GATB: variants seen among roughly 807,000 people sequenced by gnomAD.
GATB encodes the protein glutamyl-tRNA(Gln) amidotransferase subunit B, mitochondrial.
In GATB, 39 loss-of-function variants were observed where a neutral mutation model predicts 62.3. The ratio of observed to expected loss-of-function variants is 0.63; its 90% confidence interval spans 0.48 to 0.82. The LOEUF (loss-of-function observed/expected upper bound fraction) is 0.82, where lower values mean the gene tolerates loss of function less well. Among genes scored for constraint, GATB ranks in the 40% least tolerant of loss-of-function variants. GATB has a pLI of 0.00. For synonymous variants in GATB, 276 were observed against 258.9 expected, an observed-to-expected ratio of 1.07 and a Z score of -0.63; for missense variants, 670 against 684.0, an observed-to-expected ratio of 0.98 and a Z score of 0.23.
intron 2 of GATB, chr4:151,722,080 CAGTT>C (rs1230593670): frequency 1.5e-5 from 10 of 649,734 alleles, no homozygotes; most frequent in Admixed American, 5.0e-5. Flanking sequence ...CAGAGAGTGT[CAGTT>C]AGAAGAATGC....
At chr4:151,701,859 G>A (rs934384971) in intron 8 of GATB, among the ~76,000 whole-genome samples, 9 of 152,206 alleles carry the variant, frequency 5.9e-5, no homozygotes, top group South Asian at 4.1e-4. Context: ...CGATATGTTC[G>A]TAGAGATGTG....
At chr4:151,673,636 A>G (rs987701236) in intron 11 of GATB, 3 of 152,210 alleles carry the variant, frequency 2.0e-5, no homozygotes, top group Non-Finnish European at 4.4e-5. Flanking sequence ...TTTTTACTTA[A>G]AAAATGACAA....
At chr4:151,731,683 C>T (rs1479975441) in intron 2 of GATB, among the ~76,000 whole-genome samples, 114 of 151,702 alleles carry the variant, frequency 7.5e-4, no homozygotes, top group Non-Finnish European at 1.2e-3. Context: ...CGTCTCTGCC[C>T]GGCCGCCCAT....
intron 2 of GATB, among the ~76,000 whole-genome samples, chr4:151,734,331 C>A (rs2126988602): frequency 6.9e-6 from 1 of 143,946 alleles, no homozygotes; most frequent in South Asian, 2.3e-4. Flanking sequence ...AAGAACTCAA[C>A]CCCTTTTAAA....
chr4:151,743,206 G>C (rs1739529945), intron 2 of GATB, among the ~76,000 whole-genome samples: 1 of 152,212 alleles, frequency 6.6e-6, no homozygotes, highest in Admixed American at 6.5e-5. Flanking sequence ...ATACAGCTAA[G>C]AGCTGCCCAT....
chr4:151,758,915 T>G lies in GATB; in HGVS notation c.184A>C (p.Lys62Gln). ...TAQKTRKGEH[K>Q]WAAVVGLEIH... is the part of the protein sequence containing the mutation. ...TCCAAACCTACCACAGCAGCCCATT[T>G]GTGTTCACTAAGAAGAAAGAGATAA... is the stretch of plus-strand genomic sequence containing the variant. The change falls in exon 2 of 13, where the codon AAA (lysine) becomes CAA (glutamine). Residue 62 changes from lysine (K) to glutamine (Q), a missense_variant. Lys to Gln is a moderately conservative substitution (Grantham distance 53). Transcript: ENST00000263985. The G allele has an allele frequency of 6.2e-7, 1 of 1,602,092 alleles. No homozygotes were observed. The highest frequency in any genetic ancestry group is 1.1e-5 in the South Asian group (1 of 87,794).
At chr4:151,717,342 C>T (rs1578919919) in intron 3 of GATB, 1 of 460,286 alleles carries the variant, frequency 2.2e-6, no homozygotes, top group East Asian at 4.2e-5. Context: ...CATCCCATTG[C>T]CCTCATTAAA....
At chr4:151,685,354 G>C (rs1470211602) in intron 10 of GATB, among the ~76,000 whole-genome samples, 1 of 152,148 alleles carries the variant, frequency 6.6e-6, no homozygotes, top group Non-Finnish European at 1.5e-5. Flanking sequence ...CAGCACCTGT[G>C]GGGTAGAACC....
chr4:151,739,941 G>C (rs1739451252), intron 2 of GATB, among the ~76,000 whole-genome samples: 1 of 151,910 alleles, frequency 6.6e-6, no homozygotes, highest in Non-Finnish European at 1.5e-5. Flanking sequence ...GCTCTACTCT[G>C]GCGACATGAT....
chr4:151,722,420 CA>C, intron 2 of GATB: 1 of 566,304 alleles, frequency 1.8e-6, no homozygotes. Context: ...TGAAGTCCCT[CA>C]ATGGCCCCTG....
At chr4:151,719,781 G>A (rs535533141) in intron 2 of GATB, 1 of 346,534 alleles carries the variant, frequency 2.9e-6, no homozygotes, top group Non-Finnish European at 5.2e-6. Flanking sequence ...GCCACATCGG[G>A]AACCCTTTCC....
In GATB at chr4:151,671,168, A is replaced by G. The variant is rs1228178217; in HGVS notation, c.*6T>C. 2 of 1,614,162 alleles carry G rather than the reference A, an allele frequency of 1.2e-6. No homozygotes were observed. Among genetic ancestry groups the G allele is most frequent in the East Asian group, 2.2e-5 (1 of 44,884 alleles). ...TTGTCCCTTGGGCAAGGGGATCCCA[A>G]ACATCTCACAATGACAGCTTCTTCT... On this transcript the variant is annotated 3_prime_UTR_variant, in exon 13 of 13. Coordinates refer to ENST00000263985, the MANE Select transcript of GATB (RefSeq NM_004564.3).
intron 9 of GATB, among the ~76,000 whole-genome samples, chr4:151,697,967 A>ATATAGATATATATGTG (rs1738516670): frequency 9.8e-6 from 1 of 101,872 alleles, no homozygotes; most frequent in Non-Finnish European, 1.8e-5. Flanking sequence ...ATATATATAT[A>ATATAGATATATATGTG]TATATATATA....
intron 4 of GATB, 95 bp downstream of exon 4, chr4:151,716,781 C>T: frequency 8.5e-7 from 1 of 1,170,234 alleles, no homozygotes; most frequent in Non-Finnish European, 1.2e-6. Context: ...ACTGCTTTCT[C>T]AATTTGTTCA....
At chr4:151,679,662 TA>T in intron 11 of GATB, 150 bp downstream of exon 11, 1 of 726,514 alleles carries the variant, frequency 1.4e-6, no homozygotes, top group African/African-American at 1.7e-5. Flanking sequence ...GCTTGCTAAA[TA>T]AAATGTTTCT....
intron 2 of GATB, among the ~76,000 whole-genome samples, chr4:151,733,416 C>A (rs1421007793): frequency 6.6e-6 from 1 of 152,086 alleles, no homozygotes; most frequent in Non-Finnish European, 1.5e-5. Context: ...TAACTTAAAT[C>A]AGGAAGAATT....
In GATB at chr4:151,760,924, AC is replaced by A. The variant is rs778329056; in HGVS notation, c.58del (p.Val20LeufsTer48). 1 of 1,613,846 alleles carries A rather than the reference AC, an allele frequency of 6.2e-7. No homozygotes were observed. Among genetic ancestry groups the A allele is most frequent in the South Asian group, 1.1e-5 (1 of 91,000 alleles). ...TCTTCGGTGGCAAGAACCACCGTCAACCCGGGCGAAAGCCCAACGTCTTCCA... is the reference window on the plus strand; with the variant it reads ...TCTTCGGTGGCAAGAACCACCGTCAACCGGGCGAAAGCCCAACGTCTTCCA... ...CRGRRWAFAR[V>X]DGGSCHRRGA... On this transcript the variant is annotated frameshift_variant, in exon 1 of 13. Transcript: ENST00000263985. LOFTEE classifies it high-confidence loss of function.
At chr4:151,680,136 G>A (rs146059148) in intron 10 of GATB, among the ~76,000 whole-genome samples, 1 of 152,242 alleles carries the variant, frequency 6.6e-6, no homozygotes, top group Non-Finnish European at 1.5e-5. Flanking sequence ...CTGTTTGGCA[G>A]AAGTTGTAGC....
chr4:151,680,959 C>T (rs1738126538), intron 10 of GATB, among the ~76,000 whole-genome samples: 1 of 152,184 alleles, frequency 6.6e-6, no homozygotes, highest in Non-Finnish European at 1.5e-5. Context: ...TATCTGAGAT[C>T]ATTTGGGGAC....
Sources: allele counts gnomAD v4.1 joint callset (sites outside exome capture counted in the v4.1 genomes callset), GRCh38; gene constraint gnomAD v4.1.1; transcripts MANE v1.5; gene names NCBI Gene and HGNC (gene_info 2026-07-23, HGNC 2026-07-21).